The following SNX24 variants were observed in gnomAD, a reference collection of about 807,000 sequenced individuals.
The protein encoded by SNX24 is sorting nexin 24, also known as sorting nexin-24.
In SNX24, 22 loss-of-function variants were observed where a neutral mutation model predicts 28.7. The ratio of observed to expected loss-of-function variants is 0.77; its 90% confidence interval spans 0.55 to 1.10. SNX24 has a LOEUF of 1.10. Among genes scored for constraint, SNX24 ranks in the 50% least tolerant of loss-of-function variants. The probability of loss-of-function intolerance (pLI) is 0.00; values close to 1 mark genes in which losing one functional copy is unlikely to be tolerated. For synonymous variants in SNX24, 69 were observed against 71.5 expected, an observed-to-expected ratio of 0.96 and a Z score of 0.18; for missense variants, 221 against 201.1, an observed-to-expected ratio of 1.10 and a Z score of -0.60.
At chr5:122,990,335 ATGGTG>A (rs1468874776) in intron 3 of SNX24, among the ~76,000 whole-genome samples, 1 of 152,236 alleles carries the variant, frequency 6.6e-6, no homozygotes, top group Non-Finnish European at 1.5e-5. Flanking sequence ...CAAATATAAA[ATGGTG>A]TTGGAAGTCT....
intron 6 of SNX24, among the ~76,000 whole-genome samples, chr5:123,004,092 T>C (rs6865599): frequency 0.36 from 55,236 of 152,062 alleles, 10,785 homozygotes; most frequent in African/African-American, 0.48. Context: ...GGATATTGCG[T>C]ATGGAAATTT....
At position 122,890,436 on chromosome 5, in the gene SNX24, C is replaced by T. The variant is rs1476399647; in HGVS notation, c.60+44743C>T. Among the ~76,000 whole-genome samples, 11 of 149,208 alleles carry T rather than the reference C, an allele frequency of 7.4e-5. 1 individual carries two copies. Among genetic ancestry groups the T allele is most frequent in the African/African-American group, 2.5e-4 (10 of 40,654 alleles). ...TGATGATTATCTACCTCCATCATTC[C>T]TTCTCTGTAAGGAAAAGATTTCCAT... is the stretch of plus-strand genomic sequence containing the variant. On this transcript the variant is annotated intron_variant, in intron 1 of 6. Transcript: ENST00000261369.
intron 6 of SNX24, among the ~76,000 whole-genome samples, chr5:123,002,855 A>G (rs1762292848): frequency 6.6e-6 from 1 of 152,214 alleles, no homozygotes; most frequent in Admixed American, 6.5e-5. Flanking sequence ...GCTCATTTGC[A>G]TACATTATCT....
At chr5:123,021,706 C>G (rs930600275) in intron 5 of SNX24, among the ~76,000 whole-genome samples, 1 of 152,118 alleles carries the variant, frequency 6.6e-6, no homozygotes, top group Non-Finnish European at 1.5e-5. Context: ...ATAACCCTTC[C>G]GTGTACCATG....
chr5:122,951,863 G>A (rs772753039), intron 3 of SNX24, among the ~76,000 whole-genome samples: 10 of 152,276 alleles, frequency 6.6e-5, no homozygotes, highest in Non-Finnish European at 1.0e-4. Context: ...CAGAGTCTGC[G>A]GGTAAGGCAG....
At chr5:122,993,689 A>G (rs115644751) in intron 3 of SNX24, among the ~76,000 whole-genome samples, 3,719 of 152,310 alleles carry the variant, frequency 0.024, 140 homozygotes, top group African/African-American at 0.071. Context: ...AGTGGTAAGT[A>G]GAAGACTGAG....
intron 3 of SNX24, among the ~76,000 whole-genome samples, chr5:122,947,143 C>A (rs1009575430): frequency 6.6e-6 from 1 of 152,194 alleles, no homozygotes; most frequent in Non-Finnish European, 1.5e-5. Flanking sequence ...CCATCTAAGA[C>A]ACGTTACATC....
chr5:122,853,349 G>A lies in SNX24; in HGVS notation c.60+7656G>A, dbSNP rs572716281. 4.7e-3 allele frequency among the ~76,000 whole-genome samples: 715 copies of A among 151,974 alleles called. 2 individuals are homozygous for A. The highest frequency in any genetic ancestry group is 0.016 in the African/African-American group (684 of 41,466). ...TCACCGTGTTAGCCAGGATGGTCTCGATCTCCTGACCTTGTGATCCACCCG... is the reference window on the plus strand; with the variant it reads ...TCACCGTGTTAGCCAGGATGGTCTCAATCTCCTGACCTTGTGATCCACCCG... On this transcript the variant is annotated intron_variant, in intron 1 of 6. Transcript: ENST00000261369.
intron 1 of SNX24, among the ~76,000 whole-genome samples, chr5:122,900,487 C>T (rs1244339033): frequency 1.3e-5 from 2 of 152,038 alleles, no homozygotes; most frequent in Admixed American, 6.6e-5. Context: ...TAACTAAGGG[C>T]CTGGTGGAAT....
chr5:123,024,126 GT>G, intron 5 of SNX24: 4 of 1,123,430 alleles, frequency 3.6e-6, no homozygotes, highest in Non-Finnish European at 4.8e-6. Context: ...TGGTTGGTTG[GT>G]TTTTTATGAC....
At chr5:122,852,003 A>G (rs1754941645) in intron 1 of SNX24, among the ~76,000 whole-genome samples, 2 of 151,852 alleles carry the variant, frequency 1.3e-5, no homozygotes. Flanking sequence ...AAATAAGCAC[A>G]ATGTAAACCC....
intron 1 of SNX24, among the ~76,000 whole-genome samples, chr5:122,919,729 AGT>A (rs1264641173): frequency 6.6e-6 from 1 of 152,224 alleles, no homozygotes; most frequent in African/African-American, 2.4e-5. Context: ...TCAGAGAGAC[AGT>A]GTGTTTTTGC....
chr5:122,875,792 T>C (rs1368807132), intron 1 of SNX24, among the ~76,000 whole-genome samples: 2 of 152,200 alleles, frequency 1.3e-5, no homozygotes, highest in Non-Finnish European at 2.9e-5. Context: ...GGAACACTTA[T>C]TTATTTATTT....
In SNX24 at chr5:123,021,178, C is replaced by T. The variant is rs1276130161; in HGVS notation, n.384-8060C>T. On this transcript the variant is annotated intron_variant and non_coding_transcript_variant, in intron 5 of 5. Coordinates refer to the SNX24 transcript ENST00000502387. ...GCTGACCACCCCTTCACTGTCTATT[C>T]GCTTTCTCTGACTTCACTGACTTAT... 5.4e-5 allele frequency among the ~76,000 whole-genome samples: 8 copies of T among 146,790 alleles called. No individual in the cohort carries two copies. In the South Asian group the frequency reaches 8.5e-4, roughly 16 times the overall value.
At chr5:122,906,822 T>G (rs1757662407) in intron 1 of SNX24, among the ~76,000 whole-genome samples, 1 of 152,162 alleles carries the variant, frequency 6.6e-6, no homozygotes, top group South Asian at 2.1e-4. Context: ...GTGTTTCTTT[T>G]TACAGTTGAG....
intron 5 of SNX24, among the ~76,000 whole-genome samples, chr5:123,015,762 AAG>A (rs1455275595): frequency 1.3e-5 from 2 of 152,184 alleles, no homozygotes; most frequent in African/African-American, 4.8e-5. Context: ...TTAATTAAAA[AAG>A]AAAAAAAAAC....
At chr5:123,013,393 C>CTTTGTTTTGGTTT (rs1762626372), downstream of SNX24, among the ~76,000 whole-genome samples, 1 of 152,156 alleles carries the variant, frequency 6.6e-6, no homozygotes, top group Non-Finnish European at 1.5e-5. Context: ...TAATTATTTT[C>CTTTGTTTTGGTTT]ATTTTGGCTT....
intron 3 of SNX24, among the ~76,000 whole-genome samples, chr5:122,973,429 G>A (rs1561679303): frequency 6.6e-6 from 1 of 152,192 alleles, no homozygotes; most frequent in Non-Finnish European, 1.5e-5. Context: ...TTCAGGTGGT[G>A]CCTGCATATC....
intron 3 of SNX24, among the ~76,000 whole-genome samples, chr5:122,953,554 G>C (rs1441937948): frequency 6.6e-6 from 1 of 151,904 alleles, no homozygotes; most frequent in Non-Finnish European, 1.5e-5. Flanking sequence ...GATGGGCAAG[G>C]TTGAGCTTCA....
Sources: allele counts gnomAD v4.1 joint callset (sites outside exome capture counted in the v4.1 genomes callset), GRCh38; gene constraint gnomAD v4.1.1; transcripts MANE v1.5; gene names NCBI Gene and HGNC (gene_info 2026-07-23, HGNC 2026-07-21).